Variants in LRRTM4 observed in about 807,000 individuals in gnomAD.
LRRTM4 encodes the protein leucine rich repeat transmembrane neuronal 4.
LRRTM4 carries 25 observed loss-of-function variants against 47.6 expected under a neutral mutation model. The observed-to-expected ratio is 0.53, with a 90% CI of 0.38 to 0.73. The LOEUF is 0.73. LRRTM4 is among the 30% of genes least tolerant of loss of function. The pLI, the probability that LRRTM4 is intolerant of heterozygous loss-of-function variation, is 0.00. For missense variants in LRRTM4, 638 were observed against 713.4 expected (o/e 0.89, Z 1.20); for synonymous variants, 311 against 269.5 (o/e 1.15, Z -1.51).
intron 3 of LRRTM4, among the ~76,000 whole-genome samples, chr2:76,887,621 T>C (rs1035425964): frequency 6.6e-6 from 1 of 150,422 alleles, no homozygotes; most frequent in Admixed American, 6.6e-5. Context: ...TGATATATGA[T>C]ACACACTGTA....
chr2:77,343,591 T>A (rs1344467252), intron 3 of LRRTM4, among the ~76,000 whole-genome samples: 1 of 151,916 alleles, frequency 6.6e-6, no homozygotes. Flanking sequence ...AGGCAAAGGA[T>A]ATCAATTATT....
At chr2:77,393,388 A>C (rs1673579469) in intron 3 of LRRTM4, among the ~76,000 whole-genome samples, 1 of 151,978 alleles carries the variant, frequency 6.6e-6, no homozygotes, top group Non-Finnish European at 1.5e-5. Context: ...GGAAAACATA[A>C]GAGAAAAGGT....
At chr2:77,183,684 A>G (rs1383014117) in intron 3 of LRRTM4, among the ~76,000 whole-genome samples, 1 of 152,202 alleles carries the variant, frequency 6.6e-6, no homozygotes, top group Non-Finnish European at 1.5e-5. Context: ...ACCAAGCCAA[A>G]TATCCAACAA....
chr2:76,991,386 T>C (rs998454410), intron 3 of LRRTM4, among the ~76,000 whole-genome samples: 13 of 151,752 alleles, frequency 8.6e-5, no homozygotes, highest in African/African-American at 2.4e-4. Context: ...ACAAGATCAA[T>C]AGACCACTAG....
intron 3 of LRRTM4, among the ~76,000 whole-genome samples, chr2:77,454,151 TA>T (rs1676370977): frequency 6.6e-6 from 1 of 152,220 alleles, no homozygotes; most frequent in Admixed American, 6.5e-5. Flanking sequence ...AATTATTCTA[TA>T]ATGTCTATTA....
intron 3 of LRRTM4, among the ~76,000 whole-genome samples, chr2:77,184,720 C>T (rs1453289477): frequency 1.3e-5 from 2 of 152,084 alleles, no homozygotes; most frequent in Non-Finnish European, 1.5e-5. Flanking sequence ...CTGATATCTA[C>T]ATAAATGTTA....
chr2:77,371,517 G>C (rs192691526), intron 3 of LRRTM4, among the ~76,000 whole-genome samples: 5 of 151,668 alleles, frequency 3.3e-5, no homozygotes, highest in Admixed American at 6.6e-5. Context: ...TATCAGGCTT[G>C]ATTTACCTCA....
At chr2:77,001,167 A>G (rs1197381244) in intron 3 of LRRTM4, among the ~76,000 whole-genome samples, 1 of 152,170 alleles carries the variant, frequency 6.6e-6, no homozygotes, top group South Asian at 2.1e-4. Flanking sequence ...AGTAGCTGTC[A>G]TCTCAGCAGC....
intron 3 of LRRTM4, among the ~76,000 whole-genome samples, chr2:77,223,236 A>G (rs535240042): frequency 6.6e-6 from 1 of 152,178 alleles, no homozygotes; most frequent in African/African-American, 2.4e-5. Flanking sequence ...TCTATGACAA[A>G]CCCACAGCCA....
intron 3 of LRRTM4, among the ~76,000 whole-genome samples, chr2:77,409,501 T>A (rs1173262533): frequency 6.6e-6 from 1 of 152,194 alleles, no homozygotes; most frequent in East Asian, 1.9e-4. Flanking sequence ...TGTCCCCATC[T>A]TTTAATACTG....
At chr2:77,058,500 C>CTTCT (rs143509514) in intron 3 of LRRTM4, among the ~76,000 whole-genome samples, 1 of 151,804 alleles carries the variant, frequency 6.6e-6, no homozygotes, top group African/African-American at 2.4e-5. Context: ...CATCTCTTTC[C>CTTCT]TTCTTTCTTT....
intron 3 of LRRTM4, among the ~76,000 whole-genome samples, chr2:77,166,959 A>T (rs1672903170): frequency 6.6e-6 from 1 of 152,186 alleles, no homozygotes. Context: ...GACAAATGGG[A>T]TCTAATTAAA....
intron 3 of LRRTM4, among the ~76,000 whole-genome samples, chr2:76,818,307 A>C (rs916114176): frequency 1.3e-5 from 2 of 151,702 alleles, no homozygotes; most frequent in Non-Finnish European, 2.9e-5. Context: ...ATATGGTGGA[A>C]TTTACCTAAT....
chr2:77,449,203 AC>A (rs1676163529), intron 3 of LRRTM4, among the ~76,000 whole-genome samples: 1 of 152,180 alleles, frequency 6.6e-6, no homozygotes, highest in African/African-American at 2.4e-5. Context: ...ATAATTTTAA[AC>A]TTTTATTTTA....
chr2:76,791,882 G>C (rs1489986482), intron 3 of LRRTM4, among the ~76,000 whole-genome samples: 1 of 152,102 alleles, frequency 6.6e-6, no homozygotes, highest in African/African-American at 2.4e-5. Flanking sequence ...TCAAACCCCA[G>C]AGAATTTTTG....
intron 3 of LRRTM4, among the ~76,000 whole-genome samples, chr2:77,365,294 GT>G (rs1395667587): frequency 6.6e-6 from 1 of 151,926 alleles, no homozygotes; most frequent in Non-Finnish European, 1.5e-5. Flanking sequence ...ATATCACAAA[GT>G]TTAGCTCTAT....
intron 3 of LRRTM4, among the ~76,000 whole-genome samples, chr2:77,067,686 T>TACACACACACACACACACACACAC (rs3058033): frequency 7.1e-6 from 1 of 140,726 alleles, no homozygotes; most frequent in Non-Finnish European, 1.5e-5. Context: ...CAAAGATACG[T>TACACACACACACACACACACACAC]ACACACACAC....
At chr2:76,896,744 G>A (rs984036114) in intron 3 of LRRTM4, among the ~76,000 whole-genome samples, 4 of 150,400 alleles carry the variant, frequency 2.7e-5, no homozygotes, top group African/African-American at 9.8e-5. Context: ...ATAAGCCAGA[G>A]TTTATTGGAC....
intron 3 of LRRTM4, among the ~76,000 whole-genome samples, chr2:76,777,646 A>C (rs1223297283): frequency 6.6e-6 from 1 of 151,000 alleles, no homozygotes; most frequent in Non-Finnish European, 1.5e-5. Context: ...TTATCAGCTT[A>C]AGGAGATTAT....
Sources: gnomAD v4.1 joint callset for allele counts (sites outside exome capture counted in the v4.1 genomes callset) on GRCh38, gnomAD v4.1.1 for gene constraint, MANE v1.5 for transcripts, NCBI Gene and HGNC (gene_info 2026-07-23, HGNC 2026-07-21) for gene names.